PHF21B: variants seen among roughly 807,000 people sequenced by gnomAD.
PHF21B encodes the protein PHD finger protein 4.
In PHF21B, 22 loss-of-function variants were observed where a neutral mutation model predicts 62.2. That is an observed-to-expected ratio of 0.35 (90% confidence interval 0.25 to 0.51). The LOEUF (loss-of-function observed/expected upper bound fraction) is 0.51, where lower values mean the gene tolerates loss of function less well. Ranked by LOEUF, PHF21B falls within the 20% of genes least tolerant of loss-of-function variation. PHF21B has a pLI of 0.97. For missense variants in PHF21B, 701 were observed against 707.9 expected (o/e 0.99, Z 0.11); for synonymous variants, 341 against 314.7 (o/e 1.08, Z -0.88).
At chr22:44,933,962 G>A (rs567699699) in intron 2 of PHF21B, among the ~76,000 whole-genome samples, 11 of 152,350 alleles carry the variant, frequency 7.2e-5, no homozygotes, top group African/African-American at 2.6e-4. Context: ...ATCCTGCCAT[G>A]CTCAGCAGTC....
chr22:44,968,053 C>T (rs114092276), intron 2 of PHF21B, among the ~76,000 whole-genome samples: 3,998 of 152,178 alleles, frequency 0.026, 184 homozygotes, highest in African/African-American at 0.09. Flanking sequence ...ACCTTGGTGA[C>T]CTGGCTGAGG....
At chr22:44,905,156 G>A (rs935566378) in intron 5 of PHF21B, among the ~76,000 whole-genome samples, 4 of 152,250 alleles carry the variant, frequency 2.6e-5, no homozygotes, top group East Asian at 1.9e-4. Flanking sequence ...ACCCTACACC[G>A]ACTCCCTCCT....
At position 44,964,594 on chromosome 22, in the gene PHF21B, A is replaced by G. The variant is rs1379164479; in HGVS notation, c.120+43951T>C. On this transcript the variant is annotated intron_variant, in intron 2 of 12. Coordinates refer to ENST00000313237, the MANE Select transcript of PHF21B (RefSeq NM_138415.5). ...ATTCCAGCTGCAGTGATTAGTAACT[A>G]CATTTTAAAGGGAGATGACTCCCAG... is the stretch of plus-strand genomic sequence containing the variant. Among the ~76,000 whole-genome samples the G allele has an allele frequency of 2.0e-5, 3 of 152,250 alleles. 1 individual carries two copies. Among genetic ancestry groups the G allele is most frequent in the South Asian group, 4.1e-4 (2 of 4,830 alleles).
At chr22:44,906,740 T>C (rs2071257583) in intron 5 of PHF21B, among the ~76,000 whole-genome samples, 1 of 152,136 alleles carries the variant, frequency 6.6e-6, no homozygotes, top group African/African-American at 2.4e-5. Flanking sequence ...CTTCCTCGTC[T>C]GTAAAATGAA....
chr22:44,920,340 A>G, intron 3 of PHF21B, 58 bp downstream of exon 3: 2 of 1,432,976 alleles, frequency 1.4e-6, no homozygotes, highest in Non-Finnish European at 1.9e-6. Context: ...GGGGTTAGGA[A>G]CAGAGACTGC....
intron 2 of PHF21B, among the ~76,000 whole-genome samples, chr22:44,954,375 T>C (rs772880912): frequency 6.6e-6 from 1 of 152,206 alleles, no homozygotes; most frequent in South Asian, 2.1e-4. Context: ...ATCTTGGATC[T>C]GGATCTTGCC....
rs569318231 is a variant in PHF21B, at chr22:44,940,438, G to T, written c.121-19948C>A. ...TAAGCCGGAATAATGAGGCTTCACC[G>T]CGCAGCGGGGGCCAACAGGATGCAG... On this transcript the variant is annotated intron_variant, in intron 2 of 12. Coordinates refer to ENST00000313237, the MANE Select transcript of PHF21B (RefSeq NM_138415.5). Among the ~76,000 whole-genome samples, 105 of 152,374 alleles carry T rather than the reference G, an allele frequency of 6.9e-4. 1 individual carries two copies. Among genetic ancestry groups the T allele is most frequent in the Non-Finnish European group, 1.3e-3 (88 of 68,034 alleles).
intron 2 of PHF21B, among the ~76,000 whole-genome samples, chr22:44,997,732 T>C (rs1004816057): frequency 6.6e-6 from 1 of 152,154 alleles, no homozygotes. Flanking sequence ...TCTCCCTCTC[T>C]TTCTCTCCCT....
In PHF21B at chr22:44,904,701, G is replaced by A. The variant is rs940643552; in HGVS notation, c.832-8618C>T. ...CTGGGCAGCAAGCCAATGGTGCAATGAGCAGTGGCCAGGAGTGGTGTAGGG... is the reference window on the plus strand; with the variant it reads ...CTGGGCAGCAAGCCAATGGTGCAATAAGCAGTGGCCAGGAGTGGTGTAGGG... On this transcript the variant is annotated intron_variant, in intron 5 of 12. Coordinates refer to ENST00000313237, the MANE Select transcript of PHF21B (RefSeq NM_138415.5). Among the ~76,000 whole-genome samples, 3 of 134,788 alleles carry A rather than the reference G, an allele frequency of 2.2e-5. 1 individual carries two copies. Among genetic ancestry groups the A allele is most frequent in the African/African-American group, 8.3e-5 (3 of 35,936 alleles). 88.4% of individuals were successfully genotyped at this position (134,788 alleles called of 152,430 possible).
chr22:45,004,917 C>T (rs144459704), intron 2 of PHF21B, among the ~76,000 whole-genome samples: 6 of 152,346 alleles, frequency 3.9e-5, no homozygotes, highest in Admixed American at 2.0e-4. Flanking sequence ...AGCTCACCTC[C>T]GGGGTCCTTC....
chr22:44,958,830 G>A (rs1043281214), intron 2 of PHF21B, among the ~76,000 whole-genome samples: 16 of 151,570 alleles, frequency 1.1e-4, no homozygotes, highest in African/African-American at 2.9e-4. Context: ...TTGTAGAGAC[G>A]GGGTTTCACC....
chr22:44,944,738 A>T lies in PHF21B; in HGVS notation c.121-24248T>A, dbSNP rs186899523. ...GAGAACATCCCCAGAGCCAGGAAGA[A>T]ACAAGCTGACCGAGCTCCTGATGAG... On this transcript the variant is annotated intron_variant, in intron 2 of 12. Transcript: ENST00000313237. Among the ~76,000 whole-genome samples the T allele has an allele frequency of 3.4e-3, 511 of 152,324 alleles. 4 individuals carry two copies. Among genetic ancestry groups the T allele is most frequent in the African/African-American group, 0.012 (485 of 41,574 alleles).
intron 4 of PHF21B, 50 bp from the exon 5 acceptor site, chr22:44,914,138 G>C (rs761137809): frequency 1.0e-5 from 6 of 576,622 alleles, no homozygotes; most frequent in South Asian, 2.2e-5. Context: ...AGTGAGGGGG[G>C]CTGGGGAGGT....
intron 2 of PHF21B, among the ~76,000 whole-genome samples, chr22:45,004,230 T>C (rs1002319762): frequency 5.9e-5 from 9 of 152,248 alleles, no homozygotes; most frequent in Non-Finnish European, 8.8e-5. Context: ...TGAGTAAGTC[T>C]ATGTAAAATA....
intron 2 of PHF21B, among the ~76,000 whole-genome samples, chr22:44,970,627 C>T (rs564778068): frequency 7.2e-5 from 11 of 152,298 alleles, no homozygotes; most frequent in African/African-American, 2.6e-4. Context: ...AACCTGGGTT[C>T]AGGGTCAAGG....
At chr22:44,939,629 C>T (rs544642013) in intron 2 of PHF21B, among the ~76,000 whole-genome samples, 1 of 152,266 alleles carries the variant, frequency 6.6e-6, no homozygotes, top group Admixed American at 6.5e-5. Flanking sequence ...AACTGTGGGA[C>T]ACCCAGCCCG....
At position 44,930,880 on chromosome 22, in the gene PHF21B, G is replaced by C. The variant is rs940417636; in HGVS notation, c.121-10390C>G. ...GTATCTTCTCCTGCCAGGAACAGCT[G>C]TCCGGGGCCTGCAGCCCTTCCCCAT... On this transcript the variant is annotated intron_variant, in intron 2 of 12. Coordinates refer to ENST00000313237, the MANE Select transcript of PHF21B (RefSeq NM_138415.5). 2.0e-5 allele frequency among the ~76,000 whole-genome samples: 3 copies of C among 152,346 alleles called. No individual in the cohort carries two copies. The South Asian group carries it at 6.2e-4, about 32-fold the overall frequency.
intron 2 of PHF21B, among the ~76,000 whole-genome samples, chr22:44,995,790 G>GC (rs938571203): frequency 4.9e-5 from 4 of 81,464 alleles, no homozygotes; most frequent in Non-Finnish European, 7.7e-5. Flanking sequence ...TGACCCCCCC[G>GC]CCCCCCACCT....
intron 2 of PHF21B, among the ~76,000 whole-genome samples, chr22:44,938,295 G>A (rs978127380): frequency 3.3e-5 from 5 of 150,176 alleles, no homozygotes; most frequent in Non-Finnish European, 5.9e-5. Context: ...GTGCAGTGGC[G>A]CGGACTTGGC....
Sources: allele counts gnomAD v4.1 joint callset (sites outside exome capture counted in the v4.1 genomes callset), GRCh38; gene constraint gnomAD v4.1.1; transcripts MANE v1.5; gene names NCBI Gene and HGNC (gene_info 2026-07-23, HGNC 2026-07-21).